The following KCNN2 variants were observed in gnomAD, a reference collection of about 807,000 sequenced individuals.
KCNN2 encodes the protein small conductance calcium-activated potassium channel protein 2.
In KCNN2, 24 loss-of-function variants were observed where a neutral mutation model predicts 55.5. The ratio of observed to expected loss-of-function variants is 0.43; its 90% CI spans 0.31 to 0.61. The LOEUF (loss-of-function observed/expected upper bound fraction) is 0.61. KCNN2 is among the 20% of genes least tolerant of loss of function. The probability of loss-of-function intolerance (pLI) is 0.08; values close to 1 mark genes in which losing one functional copy is unlikely to be tolerated. For synonymous variants in KCNN2, 431 were observed against 336.1 expected, an observed-to-expected ratio of 1.28 and a Z score of -3.09; for missense variants, 754 against 853.6, an observed-to-expected ratio of 0.88 and a Z score of 1.45.
intron 1 of KCNN2, among the ~76,000 whole-genome samples, chr5:114,061,427 T>C (rs905066680): frequency 6.6e-6 from 1 of 152,172 alleles, no homozygotes; most frequent in Non-Finnish European, 1.5e-5. Flanking sequence ...ATGAGATAGG[T>C]AGAGATACTA....
intron 3 of KCNN2, among the ~76,000 whole-genome samples, chr5:114,405,098 T>A (rs1013529348): frequency 5.9e-5 from 9 of 152,234 alleles, no homozygotes; most frequent in Non-Finnish European, 1.2e-4. Context: ...GCTGCCTTTA[T>A]AATTTTGTGC....
intron 2 of KCNN2, among the ~76,000 whole-genome samples, chr5:114,350,883 A>G (rs1372636474): frequency 6.6e-6 from 1 of 151,796 alleles, no homozygotes; most frequent in African/African-American, 2.4e-5. Context: ...TCCACTCAAC[A>G]AGTGTGCATC....
chr5:114,427,471 T>C (rs2150084795), intron 3 of KCNN2, among the ~76,000 whole-genome samples: 1 of 152,366 alleles, frequency 6.6e-6, no homozygotes, highest in South Asian at 2.1e-4. Flanking sequence ...TTTGGGTATT[T>C]GGCTGGCTTC....
In KCNN2 at chr5:114,063,339, T is replaced by G. The variant is rs535858187; in HGVS notation, c.-271+6839T>G. On this transcript the variant is annotated intron_variant, in intron 1 of 10. Coordinates refer to the KCNN2 transcript ENST00000512097. ...CCTGCTATGCTTTTTATATGCCTGT[T>G]GCAATACAGAAATATGATTTTGCCA... 1.3e-4 allele frequency among the ~76,000 whole-genome samples: 20 copies of G among 152,376 alleles called. 1 individual carries two copies. The highest frequency in any genetic ancestry group is 3.4e-3 in the Middle Eastern group (1 of 294).
At chr5:114,225,356 A>G (rs935632630) in intron 2 of KCNN2, among the ~76,000 whole-genome samples, 11 of 152,224 alleles carry the variant, frequency 7.2e-5, no homozygotes, top group Admixed American at 2.6e-4. Context: ...TATTATATAG[A>G]AGAAGCATCA....
chr5:114,132,270 C>T (rs1225363421), intron 1 of KCNN2, among the ~76,000 whole-genome samples: 3 of 152,126 alleles, frequency 2.0e-5, no homozygotes, highest in African/African-American at 7.2e-5. Context: ...TTGGGTTTTA[C>T]ATTTAAGTCT....
At chr5:114,490,469 G>T (rs1010783317) in intron 6 of KCNN2, among the ~76,000 whole-genome samples, 1 of 152,158 alleles carries the variant, frequency 6.6e-6, no homozygotes, top group Non-Finnish European at 1.5e-5. Context: ...GAAGCTGAGT[G>T]CTTACAGATG....
At position 114,362,583 on chromosome 5, in the gene KCNN2, G is replaced by A. The variant is rs1166479591; in HGVS notation, c.444G>A (p.Ala148=). Reference sequence around the variant, plus strand: ...GGCAGCAGTACGCGCAGCAGTCCGCGCAGCAGTCGGCGTCCGCCTCCCAGT... The same window carrying A: ...GGCAGCAGTACGCGCAGCAGTCCGCACAGCAGTCGGCGTCCGCCTCCCAGT... ...ALRQQYAQQS[A]QQSASASQYH... Residue 148 remains alanine (A), a synonymous_variant, in exon 1 of 8, where the codon GCG becomes GCA. Transcript: ENST00000673685. 1.4e-5 allele frequency: 10 copies of A among 711,024 alleles called. 1 individual carries two copies. The highest frequency in any genetic ancestry group is 2.0e-5 in the South Asian group (1 of 49,434). The allele number at this position is 711,024 out of a possible 1,614,324, so 44.0% of individuals were successfully genotyped here. A position where few individuals can be genotyped will look rare whatever the true frequency, so the allele number is the denominator to read the frequency against.
At chr5:114,320,600 C>T (rs1385660420) in intron 2 of KCNN2, among the ~76,000 whole-genome samples, 3 of 149,882 alleles carry the variant, frequency 2.0e-5, no homozygotes, top group Non-Finnish European at 3.0e-5. Context: ...GGTGACACAG[C>T]GAGACTCTGT....
intron 2 of KCNN2, among the ~76,000 whole-genome samples, chr5:114,319,567 A>G (rs1756573866): frequency 6.6e-6 from 1 of 152,192 alleles, no homozygotes; most frequent in Admixed American, 6.5e-5. Flanking sequence ...AGTTGCTACT[A>G]GAAAATCATT....
At chr5:114,288,172 C>A (rs923987390) in intron 2 of KCNN2, among the ~76,000 whole-genome samples, 1 of 152,172 alleles carries the variant, frequency 6.6e-6, no homozygotes, top group Non-Finnish European at 1.5e-5. Context: ...GAGCATATAT[C>A]AGTACTTCAT....
At chr5:114,162,716 C>A (rs1752815084) in intron 1 of KCNN2, among the ~76,000 whole-genome samples, 1 of 152,174 alleles carries the variant, frequency 6.6e-6, no homozygotes, top group African/African-American at 2.4e-5. Flanking sequence ...CACCCCTCCC[C>A]CAGCCTCGCT....
intron 2 of KCNN2, among the ~76,000 whole-genome samples, chr5:114,302,702 A>G (rs1218054383): frequency 6.6e-6 from 1 of 152,142 alleles, no homozygotes; most frequent in Non-Finnish European, 1.5e-5. Flanking sequence ...TTAGAAGTAG[A>G]GCATTCTGGA....
intron 2 of KCNN2, among the ~76,000 whole-genome samples, chr5:114,241,799 TATATAC>T (rs1354161061): frequency 0.15 from 6,779 of 45,710 alleles, 2,113 homozygotes; most frequent in East Asian, 0.55. Flanking sequence ...TATATGTATA[TATATAC>T]GTATATATAT....
chr5:114,364,249 C>A (rs371710899), intron 2 of KCNN2, among the ~76,000 whole-genome samples: 86 of 152,288 alleles, frequency 5.6e-4, no homozygotes, highest in African/African-American at 2.0e-3. Flanking sequence ...ATTTTTACTT[C>A]TCTTCAGTAG....
chr5:114,336,245 C>T (rs1025295208), intron 2 of KCNN2, among the ~76,000 whole-genome samples: 1 of 152,168 alleles, frequency 6.6e-6, no homozygotes, highest in Non-Finnish European at 1.5e-5. Context: ...GATAGAGTAT[C>T]TGGACTTGGA....
chr5:114,175,801 G>A (rs998022134), intron 1 of KCNN2, among the ~76,000 whole-genome samples: 1 of 152,090 alleles, frequency 6.6e-6, no homozygotes, highest in Non-Finnish European at 1.5e-5. Flanking sequence ...CACTTTAGTT[G>A]AATTGCTGTA....
At position 114,390,974 on chromosome 5, in the gene KCNN2, A is replaced by G. The variant is rs77308046; in HGVS notation, c.1219-13464A>G. Reference sequence around the variant, plus strand: ...AATTAAGTCTTAAGAGCAGCATAACATGGATTTATTATACGTAACCTTAAC... The same window carrying G: ...AATTAAGTCTTAAGAGCAGCATAACGTGGATTTATTATACGTAACCTTAAC... On this transcript the variant is annotated intron_variant, in intron 2 of 7. Coordinates refer to ENST00000673685, the MANE Select transcript of KCNN2 (RefSeq NM_021614.4). Among the ~76,000 whole-genome samples the G allele has an allele frequency of 1.2e-4, 19 of 152,278 alleles. No individual in the cohort carries two copies. In the East Asian group the frequency reaches 3.7e-3, roughly 29 times the overall value.
At chr5:114,302,298 T>G (rs1756182039) in intron 2 of KCNN2, among the ~76,000 whole-genome samples, 1 of 152,236 alleles carries the variant, frequency 6.6e-6, no homozygotes, top group Non-Finnish European at 1.5e-5. Context: ...TGTATATTTC[T>G]ACCGTGGCTA....
Sources: gnomAD v4.1 joint callset for allele counts (sites outside exome capture counted in the v4.1 genomes callset) on GRCh38, gnomAD v4.1.1 for gene constraint, MANE v1.5 for transcripts, NCBI Gene and HGNC (gene_info 2026-07-23, HGNC 2026-07-21) for gene names.